ACCS: variants seen among roughly 807,000 people sequenced by gnomAD.
The protein encoded by ACCS is 1-aminocyclopropane-1-carboxylate synthase-like protein 1.
In ACCS, 42 loss-of-function variants were observed where a neutral mutation model predicts 59.8. That is an observed-to-expected ratio of 0.70 (90% CI 0.55 to 0.91). The LOEUF is 0.91. Among genes scored for constraint, ACCS ranks in the 40% least tolerant of loss-of-function variants. The probability of loss-of-function intolerance (pLI) is 0.00; values close to 1 mark genes in which losing one functional copy is unlikely to be tolerated. For synonymous variants in ACCS, 230 were observed against 240.3 expected (o/e 0.96, Z 0.40); for missense variants, 602 against 630.4 (o/e 0.95, Z 0.48).
intron 6 of ACCS, chr11:44,075,812 G>A: frequency 1.9e-6 from 1 of 529,320 alleles, no homozygotes; most frequent in Non-Finnish European, 3.4e-6. Flanking sequence ...TCTCTGCCAT[G>A]ACCTTGGCTG....
rs773631228 is a variant in ACCS, at chr11:44,081,024, C to T, written c.928C>T (p.Pro310Ser). The T allele has an allele frequency of 6.2e-7, 1 of 1,614,200 alleles. No individual in the cohort carries two copies. Residue 310 changes from proline (P) to serine (S), a missense_variant, in exon 11 of 15, where the codon CCT (proline) becomes TCT (serine). Physicochemically the swap from Pro to Ser is moderately conservative, Grantham distance 74. Transcript: ENST00000263776. ...CCCATGCTGTGCTCTCTGCAGGCTCCCTGACCCCCAGAGGACCCATGTGAT... is the reference window on the plus strand; with the variant it reads ...CCCATGCTGTGCTCTCTGCAGGCTCTCTGACCCCCAGAGGACCCATGTGAT... ...YRSVLSLERLPDPQRTHVMWA... is the reference protein window; with the variant it reads ...YRSVLSLERLSDPQRTHVMWA...
At chr11:44,083,605 C>A in intron 14 of ACCS, 28 bp downstream of exon 14, 1 of 1,614,204 alleles carries the variant, frequency 6.2e-7, no homozygotes, top group Non-Finnish European at 8.5e-7. Context: ...CCAGCCCAGT[C>A]CTAACTGCAG....
chr11:44,068,509 G>C (rs548542572), intron 2 of ACCS, among the ~76,000 whole-genome samples: 1 of 152,310 alleles, frequency 6.6e-6, no homozygotes, highest in South Asian at 2.1e-4. Flanking sequence ...GGAGGCTGAG[G>C]TGGAAGGATT....
In ACCS at chr11:44,067,776, T is replaced by G; in HGVS notation, c.149T>G (p.Val50Gly). 1 of 1,613,932 alleles carries G rather than the reference T, an allele frequency of 6.2e-7. No individual in the cohort carries two copies. The highest frequency in any genetic ancestry group is 8.5e-7 in the Non-Finnish European group (1 of 1,179,968). ...LDQKLPELRG[V>G]GDPAMISSDT... ...CAGAAGCTGCCAGAGCTCCGTGGAG[T>G]GGGTGATCCTGCCATGATCTCCTCT... The change falls in exon 2 of 15, where the codon GTG becomes GGG. Residue 50 changes from valine to glycine, a missense_variant. Val to Gly is a moderately radical substitution (Grantham distance 109). Transcript: ENST00000263776.
At chr11:44,073,555 G>A in intron 4 of ACCS, 38 bp downstream of exon 4, 1 of 1,565,958 alleles carries the variant, frequency 6.4e-7, no homozygotes, top group Non-Finnish European at 8.7e-7. Flanking sequence ...TCCCCCTGGG[G>A]ATGTGTGGCA....
chr11:44,077,383 G>T lies in ACCS; in HGVS notation c.654+7G>T. The T allele has an allele frequency of 6.2e-7, 1 of 1,613,834 alleles. No homozygotes were observed. Among genetic ancestry groups the T allele is most frequent in the Non-Finnish European group, 8.5e-7 (1 of 1,179,844 alleles). ...TGTCTACCTGGACAGTGAGGTAAGA[G>T]TCTTGACTTCCTAGGTGGAACCTGG... is the stretch of plus-strand genomic sequence containing the variant. On this transcript the variant is annotated splice_region_variant and intron_variant, in intron 7 of 14. Coordinates refer to ENST00000263776, the MANE Select transcript of ACCS (RefSeq NM_032592.4).
At chr11:44,075,973 C>T (rs560771529) in intron 6 of ACCS, 12 of 187,282 alleles carry the variant, frequency 6.4e-5, no homozygotes, top group African/African-American at 2.5e-4. Flanking sequence ...CTTCTATCTT[C>T]CTGACCAGAA....
At chr11:44,073,422 C>G in intron 3 of ACCS, 25 bp from the exon 4 acceptor site, 2 of 1,595,118 alleles carry the variant, frequency 1.3e-6, no homozygotes, top group Non-Finnish European at 1.7e-6. Flanking sequence ...GGCCCTCAGC[C>G]GTGCTCTTCC....
chr11:44,075,602 C>G lies in ACCS; in HGVS notation c.556+10C>G. On this transcript the variant is annotated intron_variant, in intron 6 of 14. Coordinates refer to ENST00000263776, the MANE Select transcript of ACCS (RefSeq NM_032592.4). ...CTGTGTGAGGCCGGGGGTAAGTGAG[C>G]TCTGTGGCCTGCCCCGCACTGTGAG... 6 of 1,613,612 alleles carry G rather than the reference C, an allele frequency of 3.7e-6. No homozygotes were observed. Among genetic ancestry groups the G allele is most frequent in the Non-Finnish European group, 5.1e-6 (6 of 1,179,892 alleles).
chr11:44,075,714 C>T, intron 6 of ACCS, 122 bp downstream of exon 6: 2 of 1,186,916 alleles, frequency 1.7e-6, no homozygotes, highest in South Asian at 1.6e-5. Flanking sequence ...TACTAGACTG[C>T]AGGGGGCTTG....
chr11:44,080,585 G>T (rs908711240), intron 10 of ACCS: 8 of 182,166 alleles, frequency 4.4e-5, no homozygotes, highest in Non-Finnish European at 1.2e-5. Context: ...TTAATTTCTA[G>T]CCAGAAAAAC....
chr11:44,080,888 A>G (rs1953607341), intron 10 of ACCS, 132 bp from the exon 11 acceptor site: 2 of 1,174,398 alleles, frequency 1.7e-6, no homozygotes, highest in South Asian at 2.8e-5. Flanking sequence ...GGGTGGTTCA[A>G]AGACATGAAA....
At chr11:44,073,596 T>A in intron 4 of ACCS, 79 bp downstream of exon 4, 1 of 1,439,636 alleles carries the variant, frequency 6.9e-7, no homozygotes, top group Non-Finnish European at 9.4e-7. Context: ...TTGTTATAAC[T>A]GGGAAGTCAG....
chr11:44,083,278 G>C lies in ACCS; in HGVS notation c.1221G>C (p.Gly407=). 2 of 1,614,170 alleles carry C rather than the reference G, an allele frequency of 1.2e-6. No homozygotes were observed. Among genetic ancestry groups the C allele is most frequent in the Non-Finnish European group, 1.7e-6 (2 of 1,180,030 alleles). ...TGGGGATCCCCTTCTTGAGTCGTGG[G>C]GCTGGCTTCTTCATCTGGGTTGACT... The part of the protein sequence containing the change: ...RALGIPFLSR[G]AGFFIWVDLR... The change falls in exon 13 of 15, where the codon GGG becomes GGC. Residue 407 remains glycine (G), a synonymous_variant. Transcript: ENST00000263776.
At chr11:44,083,075 AG>A in intron 12 of ACCS, 93 bp from the exon 13 acceptor site, 1 of 1,518,832 alleles carries the variant, frequency 6.6e-7, no homozygotes, top group Non-Finnish European at 9.0e-7. Context: ...GCATCCTGGC[AG>A]CTTGTGGCCT....
intron 2 of ACCS, among the ~76,000 whole-genome samples, chr11:44,068,950 G>A (rs7396615): frequency 1 from 152,237 of 152,358 alleles, 76,059 homozygotes; most frequent in Middle Eastern, 1. Context: ...ATATGGTGGT[G>A]AGTACTATAG....
chr11:44,078,190 T>A, intron 8 of ACCS: 1 of 470,048 alleles, frequency 2.1e-6, no homozygotes. Context: ...CCCTGATCCA[T>A]CTGATTATGA....
chr11:44,083,071 T>C, intron 12 of ACCS, 98 bp from the exon 13 acceptor site: 1 of 1,504,886 alleles, frequency 6.6e-7, no homozygotes, highest in Non-Finnish European at 9.1e-7. Context: ...AACAGCATCC[T>C]GGCAGCTTGT....
intron 6 of ACCS, among the ~76,000 whole-genome samples, chr11:44,076,604 A>G (rs1953371934): frequency 6.6e-6 from 1 of 152,266 alleles, no homozygotes; most frequent in Admixed American, 6.5e-5. Context: ...AAGTTAGGAT[A>G]TAATAAATAG....
Sources: allele counts gnomAD v4.1 joint callset (sites outside exome capture counted in the v4.1 genomes callset), GRCh38; gene constraint gnomAD v4.1.1; transcripts MANE v1.5; gene names NCBI Gene and HGNC (gene_info 2026-07-23, HGNC 2026-07-21).